The following SH3BGRL2 variants were observed in gnomAD, a reference collection of about 807,000 sequenced individuals.
The protein encoded by SH3BGRL2 is SH3 domain binding glutamate rich protein like 2.
A neutral mutation model predicts 14.8 loss-of-function variants in SH3BGRL2; 21 were observed. That is an observed-to-expected ratio of 1.42 (90% confidence interval 1.01 to 2.05). SH3BGRL2 has a LOEUF of 2.05. SH3BGRL2 is among the 30% of genes most tolerant of loss of function. SH3BGRL2 has a pLI of 0.00. For synonymous variants in SH3BGRL2, 50 were observed against 47.8 expected (o/e 1.05, Z -0.19); for missense variants, 147 against 130.8 (o/e 1.12, Z -0.61).
At chr6:79,688,766 A>G (rs980848982) in intron 2 of SH3BGRL2, among the ~76,000 whole-genome samples, 33 of 152,296 alleles carry the variant, frequency 2.2e-4, no homozygotes, top group East Asian at 7.7e-4. Context: ...AAGAATTTGT[A>G]TCTTAATAGG....
intron 1 of SH3BGRL2, among the ~76,000 whole-genome samples, chr6:79,666,434 C>T (rs922006826): frequency 6.6e-6 from 1 of 152,204 alleles, no homozygotes; most frequent in African/African-American, 2.4e-5. Context: ...TTTGGTGTAA[C>T]TAGGCTAATG....
intron 1 of SH3BGRL2, among the ~76,000 whole-genome samples, chr6:79,669,381 A>G (rs947582630): frequency 6.6e-6 from 1 of 151,936 alleles, no homozygotes; most frequent in Non-Finnish European, 1.5e-5. Context: ...CTACCTGTGA[A>G]CGTCTTGTCT....
chr6:79,568,336 G>A, the SH3BGRL2 span, among the ~76,000 whole-genome samples: 3 of 152,106 alleles, frequency 2.0e-5, no homozygotes, highest in African/African-American at 7.2e-5. Flanking sequence ...ACCATTGACA[G>A]GAGACTGGAG....
At chr6:79,667,031 G>C (rs1769674161) in intron 1 of SH3BGRL2, among the ~76,000 whole-genome samples, 1 of 152,204 alleles carries the variant, frequency 6.6e-6, no homozygotes, top group Non-Finnish European at 1.5e-5. Context: ...TAATTTTCCA[G>C]TGAACCTATG....
At chr6:79,601,571 AT>A in the SH3BGRL2 span, among the ~76,000 whole-genome samples, 2 of 152,174 alleles carry the variant, frequency 1.3e-5, no homozygotes, top group Non-Finnish European at 2.9e-5. Flanking sequence ...ATTCAAGTGT[AT>A]TTCACCCTTT....
the SH3BGRL2 span, among the ~76,000 whole-genome samples, chr6:79,624,921 G>A: frequency 1.1e-4 from 16 of 152,008 alleles, no homozygotes; most frequent in East Asian, 1.9e-4. Context: ...CCTGTAATCC[G>A]AGCACTTTGG....
the SH3BGRL2 span, among the ~76,000 whole-genome samples, chr6:79,558,323 T>C: frequency 6.6e-6 from 1 of 152,058 alleles, no homozygotes; most frequent in South Asian, 2.1e-4. Flanking sequence ...GTAAAATAAA[T>C]AGGTGATTGC....
At chr6:79,630,856 C>T (rs1466925800), upstream of SH3BGRL2, among the ~76,000 whole-genome samples, 1 of 152,146 alleles carries the variant, frequency 6.6e-6, no homozygotes, top group African/African-American at 2.4e-5. Flanking sequence ...AGCCCAACCC[C>T]ACCGCCCACA....
chr6:79,699,451 T>C (rs756473700), intron 3 of SH3BGRL2, 47 bp from the exon 4 acceptor site: 2 of 1,501,342 alleles, frequency 1.3e-6, no homozygotes, highest in African/African-American at 1.5e-5. Context: ...GTCGATGTAA[T>C]GCAATAACTG....
chr6:79,648,205 G>A (rs1332338758), intron 1 of SH3BGRL2, among the ~76,000 whole-genome samples: 1 of 138,386 alleles, frequency 7.2e-6, no homozygotes, highest in East Asian at 2.3e-4. Flanking sequence ...GGCCCTATGT[G>A]ATCTGATTCT....
At chr6:79,638,373 A>T (rs902779250) in intron 1 of SH3BGRL2, among the ~76,000 whole-genome samples, 44 of 152,312 alleles carry the variant, frequency 2.9e-4, no homozygotes, top group Admixed American at 1.0e-3. Context: ...GATGGATTCC[A>T]TGTCTTGGCT....
the SH3BGRL2 span, among the ~76,000 whole-genome samples, chr6:79,590,696 A>T: frequency 1.3e-5 from 2 of 151,778 alleles, no homozygotes; most frequent in Non-Finnish European, 2.9e-5. Flanking sequence ...GGGATGTGGA[A>T]TGTGGGGGAA....
chr6:79,680,699 C>T (rs1035300584), intron 2 of SH3BGRL2, among the ~76,000 whole-genome samples: 4 of 151,766 alleles, frequency 2.6e-5, no homozygotes, highest in South Asian at 2.1e-4. Flanking sequence ...TCTTCTAATC[C>T]GTGAGCATGG....
At chr6:79,687,058 T>C (rs1031506724) in intron 2 of SH3BGRL2, among the ~76,000 whole-genome samples, 1 of 152,166 alleles carries the variant, frequency 6.6e-6, no homozygotes, top group African/African-American at 2.4e-5. Context: ...CGAGTGTTGT[T>C]TGGAGAGCAC....
the SH3BGRL2 span, among the ~76,000 whole-genome samples, chr6:79,539,068 T>G: frequency 1.3e-5 from 2 of 152,212 alleles, no homozygotes; most frequent in Admixed American, 6.5e-5. Flanking sequence ...CAAAAAATTG[T>G]CTAGTTGTGT....
the SH3BGRL2 span, among the ~76,000 whole-genome samples, chr6:79,620,541 C>A: frequency 5.3e-5 from 8 of 151,750 alleles, no homozygotes; most frequent in East Asian, 1.6e-3. Context: ...TTTGGAGAGT[C>A]CTGTGTGAGG....
Position 79,637,543 on chromosome 6 carries a change from A to C in SH3BGRL2, c.45+6037A>C, listed in dbSNP as rs566930719. Among the ~76,000 whole-genome samples, 9 of 152,198 alleles carry C rather than the reference A, an allele frequency of 5.9e-5. No individual in the cohort carries two copies. In the South Asian group the frequency reaches 1.9e-3, roughly 32 times the overall value. ...CCCCATCTCTACTAAAAATACAAAA[A>C]TTAGCCTGGTATGGTGGCAGGCACC... On this transcript the variant is annotated intron_variant, in intron 1 of 3. Transcript: ENST00000369838.
At chr6:79,575,408 A>G in the SH3BGRL2 span, 1 of 152,098 alleles carries the variant, frequency 6.6e-6, no homozygotes, top group Non-Finnish European at 1.5e-5. Flanking sequence ...AATTTTGTCA[A>G]TTTTTAAGCT....
At chr6:79,627,248 G>A (rs1256102682), upstream of SH3BGRL2, among the ~76,000 whole-genome samples, 2 of 152,062 alleles carry the variant, frequency 1.3e-5, no homozygotes, top group East Asian at 3.9e-4. Flanking sequence ...TCCTAAAAGA[G>A]GAATTTGAAG....
Sources: gnomAD v4.1 joint callset for allele counts (sites outside exome capture counted in the v4.1 genomes callset) on GRCh38, gnomAD v4.1.1 for gene constraint, MANE v1.5 for transcripts, NCBI Gene and HGNC (gene_info 2026-07-23, HGNC 2026-07-21) for gene names.